The following DNAH14 variants were observed in gnomAD, a reference collection of about 807,000 sequenced individuals.
The protein encoded by DNAH14 is dynein axonemal heavy chain 14.
Under a neutral mutation model 520.9 loss-of-function variants are expected in DNAH14, and 478 were observed. The ratio of observed to expected loss-of-function variants is 0.92; its 90% CI spans 0.85 to 0.99. DNAH14 has a LOEUF of 0.99. Ranked by LOEUF, DNAH14 falls within the 50% of genes least tolerant of loss-of-function variation. DNAH14 has a pLI of 0.00. For missense variants in DNAH14, 4,831 were observed against 5,234.5 expected (o/e 0.92, Z 2.38); for synonymous variants, 1,581 against 1,757.2 (o/e 0.90, Z 2.51).
In DNAH14 at chr1:224,947,178, A is replaced by C. The variant is rs557642610; in HGVS notation, c.-33-5492A>C. Among the ~76,000 whole-genome samples, 6 of 152,182 alleles carry C rather than the reference A, an allele frequency of 3.9e-5. No homozygotes were observed. In the South Asian group the frequency reaches 1.2e-3, roughly 32 times the overall value. ...GGTGATCTGCTCACCTTGGCCTCCG[A>C]AAGTGCTGGGATTACAGGCGTGAAC... On this transcript the variant is annotated intron_variant, in intron 1 of 85. Coordinates refer to ENST00000682510, the MANE Select transcript of DNAH14 (RefSeq NM_001367479.1).
chr1:225,282,377 T>G (rs1456848689), intron 54 of DNAH14, among the ~76,000 whole-genome samples: 1 of 152,236 alleles, frequency 6.6e-6, no homozygotes, highest in Admixed American at 6.5e-5. Flanking sequence ...ATCTTTAGCT[T>G]CTTTTCTGTG....
At chr1:225,100,627 A>C (rs1404899313) in intron 22 of DNAH14, 86 bp from the exon 23 acceptor site, 34 of 1,025,988 alleles carry the variant, frequency 3.3e-5, no homozygotes, top group Non-Finnish European at 4.2e-5. Context: ...TAACTCAAAC[A>C]GTATTCCGTG....
At chr1:225,189,706 A>T (rs980325197) in intron 37 of DNAH14, among the ~76,000 whole-genome samples, 1 of 151,898 alleles carries the variant, frequency 6.6e-6, no homozygotes, top group Non-Finnish European at 1.5e-5. Flanking sequence ...AGTCTCTTGT[A>T]TGCAACATAT....
chr1:225,162,594 G>A (rs929514434), intron 35 of DNAH14, among the ~76,000 whole-genome samples: 14 of 152,068 alleles, frequency 9.2e-5, no homozygotes, highest in South Asian at 4.1e-4. Context: ...TATTTTGATA[G>A]GACTGCATTG....
intron 77 of DNAH14, among the ~76,000 whole-genome samples, chr1:225,370,142 G>C (rs1053683234): frequency 6.6e-6 from 1 of 152,104 alleles, no homozygotes; most frequent in South Asian, 2.1e-4. Flanking sequence ...ACAAAAATTA[G>C]CCTGGCGTGG....
At chr1:225,398,206 C>G (rs918931999) in intron 84 of DNAH14, 6 of 255,836 alleles carry the variant, frequency 2.3e-5, no homozygotes, top group Middle Eastern at 1.2e-3. Flanking sequence ...CTAAAAAGCT[C>G]GGCTACACGA....
intron 21 of DNAH14, among the ~76,000 whole-genome samples, chr1:225,093,973 TC>T (rs759641579): frequency 1.3e-5 from 2 of 151,974 alleles, no homozygotes; most frequent in Non-Finnish European, 2.9e-5. Context: ...CTCAAAGAAA[TC>T]AGAGATGACA....
chr1:225,207,297 T>C, intron 41 of DNAH14, 77 bp downstream of exon 41: 1 of 1,367,150 alleles, frequency 7.3e-7, no homozygotes, highest in Non-Finnish European at 9.5e-7. Flanking sequence ...CTATTAGATT[T>C]TAGAAAATTT....
At chr1:225,297,035 TG>T (rs2094024842) in intron 55 of DNAH14, among the ~76,000 whole-genome samples, 1 of 152,176 alleles carries the variant, frequency 6.6e-6, no homozygotes, top group Non-Finnish European at 1.5e-5. Context: ...TCTGAAGACT[TG>T]GGATTGTTTT....
At chr1:225,265,440 C>G in intron 48 of DNAH14, 71 bp downstream of exon 48, 4 of 1,295,564 alleles carry the variant, frequency 3.1e-6, no homozygotes, top group Non-Finnish European at 3.1e-6. Context: ...TTAATTAATA[C>G]TAATCAGAAG....
intron 10 of DNAH14, among the ~76,000 whole-genome samples, chr1:225,021,183 G>A (rs1322387023): frequency 6.6e-6 from 1 of 152,138 alleles, no homozygotes; most frequent in Non-Finnish European, 1.5e-5. Flanking sequence ...CAAGCACACA[G>A]TGAACATCAT....
chr1:225,145,216 A>G, intron 29 of DNAH14, 110 bp from the exon 30 acceptor site: 1 of 767,730 alleles, frequency 1.3e-6, no homozygotes, highest in South Asian at 2.3e-5. Context: ...TCATCTCCAT[A>G]TTGCAAAGTT....
intron 10 of DNAH14, among the ~76,000 whole-genome samples, chr1:225,022,096 T>C (rs766474192): frequency 1.3e-5 from 2 of 152,106 alleles, no homozygotes; most frequent in African/African-American, 2.4e-5. Context: ...TATACAAAAA[T>C]TAACTCAAGA....
At chr1:225,383,367 A>G (rs953721701) in intron 81 of DNAH14, among the ~76,000 whole-genome samples, 4 of 152,216 alleles carry the variant, frequency 2.6e-5, no homozygotes, top group Non-Finnish European at 5.9e-5. Flanking sequence ...GATCTTAGGG[A>G]ACCCCCACTC....
intron 5 of DNAH14, among the ~76,000 whole-genome samples, chr1:224,965,280 A>G (rs573925579): frequency 6.6e-6 from 1 of 152,198 alleles, no homozygotes; most frequent in East Asian, 1.9e-4. Flanking sequence ...CTTAGAACTT[A>G]CTAGACATAC....
intron 50 of DNAH14, 29 bp downstream of exon 50, chr1:225,270,895 A>G: frequency 6.5e-7 from 1 of 1,536,444 alleles, no homozygotes; most frequent in Non-Finnish European, 8.8e-7. Context: ...TTTCTACTGA[A>G]AAAAATTAAT....
chr1:225,342,087 A>G (rs1457214245), intron 69 of DNAH14, among the ~76,000 whole-genome samples: 1 of 152,170 alleles, frequency 6.6e-6, no homozygotes, highest in African/African-American at 2.4e-5. Flanking sequence ...TCCACTTCTG[A>G]TTACATATTA....
chr1:225,371,412 G>A (rs2095617454), intron 77 of DNAH14, among the ~76,000 whole-genome samples: 1 of 151,872 alleles, frequency 6.6e-6, no homozygotes, highest in African/African-American at 2.4e-5. Flanking sequence ...AAAGTAATAG[G>A]ATTAAAAGGA....
chr1:225,173,661 G>A (rs1363191209), intron 36 of DNAH14, among the ~76,000 whole-genome samples: 3 of 152,186 alleles, frequency 2.0e-5, no homozygotes, highest in African/African-American at 7.2e-5. Flanking sequence ...CACTGTTGGT[G>A]GGACTGTAAA....
Sources: allele counts gnomAD v4.1 joint callset (sites outside exome capture counted in the v4.1 genomes callset), GRCh38; gene constraint gnomAD v4.1.1; transcripts MANE v1.5; gene names NCBI Gene and HGNC (gene_info 2026-07-23, HGNC 2026-07-21).